KIF1A: variants seen among roughly 807,000 people sequenced by gnomAD.
The protein encoded by KIF1A is kinesin-like protein KIF1A.
Under a neutral mutation model 227.3 loss-of-function variants are expected in KIF1A, and 46 were observed. The observed-to-expected ratio is 0.20, with a 90% confidence interval of 0.16 to 0.26. KIF1A has a LOEUF of 0.26. Ranked by LOEUF, KIF1A falls within the 10% of genes least tolerant of loss-of-function variation. The pLI is 1.00. For synonymous variants in KIF1A, 1,022 were observed against 1,012.8 expected (o/e 1.01, Z -0.17); for missense variants, 1,683 against 2,485.9 (o/e 0.68, Z 6.87).
rs769279843 is a variant in KIF1A at position 240,719,128 on chromosome 2, C to T, written c.5092G>A (p.Val1698Met). ...PHTSGWARRF[V>M]VVRRPYAYMY... ...TAGGCATAGGGGCGCCGCACCACCA[C>T]GAAGCGCCTGGCCCAGCCTGACGTG... The change falls in exon 47 of 49, where the codon GTG becomes ATG. Residue 1698 changes from valine (V) to methionine (M), a missense_variant. By Grantham distance (21) the Val-to-Met change is conservative. Around this residue, in one of 12 missense-constraint regions of KIF1A, gnomAD observed 384 missense variants for 410.1 expected, o/e 0.94. Coordinates refer to ENST00000498729, the MANE Select transcript of KIF1A (RefSeq NM_001244008.2). The T allele has an allele frequency of 3.2e-5, 52 of 1,612,436 alleles. No individual in the cohort carries two copies. The highest frequency in any genetic ancestry group is 1.6e-4 in the Middle Eastern group (1 of 6,082).
chr2:240,798,619 C>T (rs1025407960), intron 1 of KIF1A, among the ~76,000 whole-genome samples: 8 of 152,128 alleles, frequency 5.3e-5, no homozygotes, highest in Non-Finnish European at 2.9e-5. Context: ...TTTGGCCTCT[C>T]GGGTACTGGG....
chr2:240,770,438 T>C (rs1258373205), intron 15 of KIF1A, among the ~76,000 whole-genome samples: 1 of 151,834 alleles, frequency 6.6e-6, no homozygotes, highest in Non-Finnish European at 1.5e-5. Flanking sequence ...TCTCAGGGGG[T>C]ATAATTCTAT....
Position 240,718,153 on chromosome 2 carries a change from C to CGA in KIF1A, c.5228_5229dup (p.Ala1744SerfsTer146). ...ATGCCGCGGTGTTCCGTGCACACCG[C>CGA]GAATGTGTTGGGTGTCTGCAGAGGG... On this transcript the variant is annotated frameshift_variant, in exon 48 of 49. Coordinates refer to ENST00000498729, the MANE Select transcript of KIF1A (RefSeq NM_001244008.2). LOFTEE classifies it high-confidence loss of function. The CGA allele has an allele frequency of 6.2e-7, 1 of 1,605,544 alleles. No homozygotes were observed. The highest frequency in any genetic ancestry group is 8.5e-7 in the Non-Finnish European group (1 of 1,176,548).
rs889091830 is a variant in KIF1A, at chr2:240,788,679, G to A, written c.184-449C>T. On this transcript the variant is annotated intron_variant, in intron 3 of 48. Transcript: ENST00000498729. This position sits in a 1 kb window ranked among gnomAD's most constrained non-coding sequence, Gnocchi z 6.6. ...CAGGGGGACAGGGTGATTAGCTGGG[G>A]GTCATCCTGGAAGGAGGAAGGACTG... Among the ~76,000 whole-genome samples, 25 of 152,084 alleles carry A rather than the reference G, an allele frequency of 1.6e-4. No individual in the cohort carries two copies. Among genetic ancestry groups the A allele is most frequent in the Admixed American group, 4.6e-4 (7 of 15,272 alleles).
chr2:240,717,606 C>T (rs558374091), intron 48 of KIF1A, among the ~76,000 whole-genome samples, 200 bp from the exon 49 acceptor site: 12 of 152,346 alleles, frequency 7.9e-5, no homozygotes, highest in Admixed American at 3.3e-4. Context: ...TCCTGCACCC[C>T]GCTTTTCACA....
intron 13 of KIF1A, 26 bp downstream of exon 13, chr2:240,773,088 C>T (rs905154374): frequency 6.3e-7 from 1 of 1,594,430 alleles, no homozygotes; most frequent in Non-Finnish European, 8.5e-7. Flanking sequence ...CAACCCTGTC[C>T]AGGACAGGCT....
chr2:240,730,305 G>T (rs1043024647), intron 38 of KIF1A, among the ~76,000 whole-genome samples: 5 of 152,058 alleles, frequency 3.3e-5, no homozygotes, highest in Admixed American at 2.0e-4. Context: ...ACTGATGGGT[G>T]CCCTGTGATC....
At chr2:240,816,277 T>C (rs2058313742) in intron 1 of KIF1A, among the ~76,000 whole-genome samples, 1 of 151,468 alleles carries the variant, frequency 6.6e-6, no homozygotes, top group South Asian at 2.1e-4. Context: ...AGCATGCATG[T>C]GTGTGTATGA....
rs1421147310 is a variant in KIF1A, at chr2:240,757,016, A to AGG, written c.2858+302_2858+303insCC. 6.6e-6 allele frequency among the ~76,000 whole-genome samples: 1 copy of AGG among 152,212 alleles called. No individual in the cohort carries two copies. The highest frequency in any genetic ancestry group is 1.5e-5 in the Non-Finnish European group (1 of 68,022). On this transcript the variant is annotated intron_variant, in intron 27 of 48. Transcript: ENST00000498729. The surrounding 1 kb of genome is among the most constrained non-coding windows in gnomAD (Gnocchi z 6.2). ...GTTCCTACGGCCTCTCTGCAGAAAT[A>AGG]GTCCCACCTGCCTGGGGCCACAGCT...
In KIF1A at chr2:240,782,574, G is replaced by A. The variant is rs1242354384; in HGVS notation, c.882+16C>T. The A allele has an allele frequency of 6.4e-7, 1 of 1,551,734 alleles. No individual in the cohort carries two copies. Among genetic ancestry groups the A allele is most frequent in the Non-Finnish European group, 8.7e-7 (1 of 1,147,552 alleles). On this transcript the variant is annotated intron_variant, in intron 10 of 48. Coordinates refer to ENST00000498729, the MANE Select transcript of KIF1A (RefSeq NM_001244008.2). ...AGCCTCCCGCACCTGCCCCGGGGCT[G>A]AAGGAAGCCGCTTACCTTGTTGGGT...
At position 240,818,343 on chromosome 2, in the gene KIF1A, C is replaced by A. The variant is rs79546799; in HGVS notation, c.-61+1779G>T. On this transcript the variant is annotated intron_variant, in intron 1 of 48. Coordinates refer to ENST00000498729, the MANE Select transcript of KIF1A (RefSeq NM_001244008.2). ...CCCTCCTCCGATCCCACGCTGGGCCCCTCAGCCAGCGGCCTTACCGCATCC... is the reference window on the plus strand; with the variant it reads ...CCCTCCTCCGATCCCACGCTGGGCCACTCAGCCAGCGGCCTTACCGCATCC... Among the ~76,000 whole-genome samples the A allele has an allele frequency of 6.1e-4, 93 of 152,332 alleles. No individual in the cohort carries two copies. In the East Asian group the frequency reaches 0.017, roughly 27 times the overall value.
At chr2:240,816,554 G>A (rs2058340702) in intron 1 of KIF1A, among the ~76,000 whole-genome samples, 1 of 152,142 alleles carries the variant, frequency 6.6e-6, no homozygotes, top group African/African-American at 2.4e-5. Context: ...ATCTGGCAGG[G>A]ATGGCAAGCA....
At chr2:240,761,624 G>C (rs1332903997) in intron 23 of KIF1A, among the ~76,000 whole-genome samples, 1 of 152,168 alleles carries the variant, frequency 6.6e-6, no homozygotes, top group Non-Finnish European at 1.5e-5. Context: ...TCTCACTCTG[G>C]GTCTGGGCTG....
At chr2:240,760,621 A>T in intron 25 of KIF1A, 44 bp downstream of exon 25, 1 of 1,409,200 alleles carries the variant, frequency 7.1e-7, no homozygotes. Context: ...AGCCCTGCCC[A>T]GGAGGACCCT....
chr2:240,735,208 C>A (rs2047186185), intron 38 of KIF1A, among the ~76,000 whole-genome samples: 1 of 152,196 alleles, frequency 6.6e-6, no homozygotes, highest in African/African-American at 2.4e-5. Flanking sequence ...AGGCCGCGCC[C>A]ACGCAACGCG....
rs2047391842 is a variant in KIF1A, at chr2:240,736,966, G to A, written c.4007+97C>T. 4.0e-6 allele frequency: 4 copies of A among 994,252 alleles called. No individual in the cohort carries two copies. Among genetic ancestry groups the A allele is most frequent in the Non-Finnish European group, 6.4e-6 (4 of 626,196 alleles). 61.6% of individuals were successfully genotyped at this position (994,252 alleles called of 1,614,324 possible). The stretch of plus-strand genomic sequence containing the variant: ...GGAGGGCCGGGAGAGCGTTGAGCGG[G>A]TCACCTTGTGTGGCTGAACCCTGTG... On this transcript the variant is annotated intron_variant, in intron 38 of 48. Coordinates refer to ENST00000498729, the MANE Select transcript of KIF1A (RefSeq NM_001244008.2). This position sits in a 1 kb window ranked among gnomAD's most constrained non-coding sequence, Gnocchi z 4.7.
chr2:240,798,036 G>A lies in KIF1A; in HGVS notation c.-60-224C>T, dbSNP rs575724055. On this transcript the variant is annotated intron_variant, in intron 1 of 48. Coordinates refer to ENST00000498729, the MANE Select transcript of KIF1A (RefSeq NM_001244008.2). The stretch of plus-strand genomic sequence containing the variant: ...CCAGCTTCGCAAGCCTGAGGAAGCT[G>A]AAACCCAACAAAAGAAACAGAAACA... 8.7e-6 allele frequency: 3 copies of A among 345,088 alleles called. No individual in the cohort carries two copies. In the South Asian group the frequency reaches 1.8e-4, roughly 21 times the overall value. 21.4% of individuals were successfully genotyped at this position (345,088 alleles called of 1,614,324 possible).
chr2:240,796,050 T>A (rs545069604), intron 2 of KIF1A, among the ~76,000 whole-genome samples: 1 of 152,314 alleles, frequency 6.6e-6, no homozygotes, highest in East Asian at 1.9e-4. Flanking sequence ...CCTGATGTCC[T>A]GGGTCACCTT....
chr2:240,736,677 C>A lies in KIF1A; in HGVS notation c.4007+386G>T, dbSNP rs1406901258. Reference sequence around the variant, plus strand: ...CCCACCCCAGCTGCTCCACCTCTAGCCCCAGGATGCCTGCCAGAGGCCACT... The same window carrying A: ...CCCACCCCAGCTGCTCCACCTCTAGACCCAGGATGCCTGCCAGAGGCCACT... On this transcript the variant is annotated intron_variant, in intron 38 of 48. Coordinates refer to ENST00000498729, the MANE Select transcript of KIF1A (RefSeq NM_001244008.2). This position sits in a 1 kb window ranked among gnomAD's most constrained non-coding sequence, Gnocchi z 4.7. Among the ~76,000 whole-genome samples, 2 of 152,222 alleles carry A rather than the reference C, an allele frequency of 1.3e-5. No homozygotes were observed. Among genetic ancestry groups the A allele is most frequent in the African/African-American group, 4.8e-5 (2 of 41,452 alleles).
Sources: allele counts gnomAD v4.1 joint callset (sites outside exome capture counted in the v4.1 genomes callset), GRCh38; gene constraint gnomAD v4.1.1; regional missense constraint gnomAD v4.1.1; non-coding constraint Gnocchi (gnomAD v3.1); transcripts MANE v1.5; gene names NCBI Gene and HGNC (gene_info 2026-07-23, HGNC 2026-07-21).